Variants in SLC24A3 observed in about 807,000 individuals in gnomAD.
SLC24A3 encodes solute carrier family 24 member 3.
SLC24A3 carries 28 observed loss-of-function variants against 75.8 expected under a neutral mutation model. That is an observed-to-expected ratio of 0.37 (90% CI 0.27 to 0.51). The LOEUF (loss-of-function observed/expected upper bound fraction) is 0.51, where lower values mean the gene tolerates loss of function less well. Ranked by LOEUF, SLC24A3 falls within the 20% of genes least tolerant of loss-of-function variation. The pLI, the probability that SLC24A3 is intolerant of heterozygous loss-of-function variation, is 0.94. For missense variants in SLC24A3, 663 were observed against 847.8 expected (o/e 0.78, Z 2.71); for synonymous variants, 372 against 334.1 (o/e 1.11, Z -1.24).
At chr20:19,517,496 A>G (rs1038450371) in intron 3 of SLC24A3, among the ~76,000 whole-genome samples, 1 of 152,186 alleles carries the variant, frequency 6.6e-6, no homozygotes, top group African/African-American at 2.4e-5. Flanking sequence ...CCAGGCTGGC[A>G]TAAAGGCAAC....
chr20:19,438,970 C>T (rs1987254756), intron 2 of SLC24A3, among the ~76,000 whole-genome samples: 1 of 152,236 alleles, frequency 6.6e-6, no homozygotes, highest in African/African-American at 2.4e-5. Context: ...CAGAGTCAAG[C>T]GCATGGTGAG....
chr20:19,513,299 C>T (rs1385177992), intron 2 of SLC24A3, among the ~76,000 whole-genome samples: 1 of 152,196 alleles, frequency 6.6e-6, no homozygotes, highest in African/African-American at 2.4e-5. Flanking sequence ...GTGTGCAGCC[C>T]TTCTCCCACT....
chr20:19,392,048 T>A (rs1306003842), intron 2 of SLC24A3, among the ~76,000 whole-genome samples: 1 of 152,226 alleles, frequency 6.6e-6, no homozygotes, highest in Non-Finnish European at 1.5e-5. Flanking sequence ...GATAGAGTCC[T>A]GCTGTTTGCC....
At chr20:19,435,920 C>A (rs1292462382) in intron 2 of SLC24A3, among the ~76,000 whole-genome samples, 2 of 152,150 alleles carry the variant, frequency 1.3e-5, no homozygotes, top group Admixed American at 1.3e-4. Flanking sequence ...ATTTTCTTGT[C>A]TCTTGGGTCT....
intron 1 of SLC24A3, among the ~76,000 whole-genome samples, chr20:19,248,026 T>G (rs1231132966): frequency 1.3e-5 from 2 of 152,208 alleles, no homozygotes; most frequent in East Asian, 3.8e-4. Flanking sequence ...AAAGACAACT[T>G]GCTAAATGGT....
chr20:19,617,571 A>C (rs1279104685), intron 6 of SLC24A3, among the ~76,000 whole-genome samples: 3 of 152,206 alleles, frequency 2.0e-5, no homozygotes, highest in African/African-American at 7.2e-5. Flanking sequence ...GTTTCAGGGA[A>C]GATCTGGAGA....
intron 8 of SLC24A3, among the ~76,000 whole-genome samples, chr20:19,672,602 G>C (rs988282386): frequency 1.1e-4 from 16 of 152,134 alleles, no homozygotes; most frequent in African/African-American, 3.4e-4. Context: ...CTCCCAAAAT[G>C]CTGGGATTAC....
intron 8 of SLC24A3, 80 bp from the exon 9 acceptor site, chr20:19,673,521 C>T: frequency 7.8e-7 from 1 of 1,276,570 alleles, no homozygotes; most frequent in African/African-American, 1.5e-5. Flanking sequence ...CCGTTTGCAT[C>T]AAATATGTCT....
At chr20:19,292,661 G>A (rs1248619254) in intron 2 of SLC24A3, among the ~76,000 whole-genome samples, 1 of 152,134 alleles carries the variant, frequency 6.6e-6, no homozygotes, top group Non-Finnish European at 1.5e-5. Context: ...GTGGTCGCAG[G>A]GATGAGGTTG....
chr20:19,446,126 G>A (rs1385023662), intron 2 of SLC24A3, among the ~76,000 whole-genome samples: 1 of 152,168 alleles, frequency 6.6e-6, no homozygotes, highest in Non-Finnish European at 1.5e-5. Context: ...CTCATAGAGT[G>A]TGGCTTCAGT....
intron 6 of SLC24A3, among the ~76,000 whole-genome samples, chr20:19,603,301 G>T (rs764641604): frequency 6.6e-6 from 1 of 152,164 alleles, no homozygotes; most frequent in Non-Finnish European, 1.5e-5. Context: ...CAGCTGTGGG[G>T]TCAGACAGCT....
At chr20:19,573,229 T>A (rs2031081467) in intron 3 of SLC24A3, among the ~76,000 whole-genome samples, 1 of 152,218 alleles carries the variant, frequency 6.6e-6, no homozygotes, top group Admixed American at 6.5e-5. Context: ...TCAGAAGCCC[T>A]TATGTGGATC....
chr20:19,651,290 T>G (rs144844350), intron 6 of SLC24A3, among the ~76,000 whole-genome samples: 6 of 150,732 alleles, frequency 4.0e-5, no homozygotes, highest in South Asian at 2.1e-4. Context: ...ATTGTTTTCC[T>G]TTCTAATTTT....
chr20:19,688,403 C>G (rs948626831), intron 12 of SLC24A3, among the ~76,000 whole-genome samples: 3 of 152,252 alleles, frequency 2.0e-5, no homozygotes, highest in Non-Finnish European at 2.9e-5. Flanking sequence ...CTCTTCCCCT[C>G]CACCAGCTGC....
intron 2 of SLC24A3, among the ~76,000 whole-genome samples, chr20:19,477,512 A>G (rs1426891204): frequency 2.6e-5 from 4 of 152,216 alleles, no homozygotes; most frequent in African/African-American, 9.6e-5. Flanking sequence ...GAGCTACAAA[A>G]TTTCTCTTCC....
intron 2 of SLC24A3, among the ~76,000 whole-genome samples, chr20:19,359,377 C>T (rs1985746365): frequency 1.3e-5 from 2 of 152,140 alleles, no homozygotes; most frequent in Middle Eastern, 3.2e-3. Flanking sequence ...GCCTGTGTAG[C>T]TTTTCAGTAC....
intron 1 of SLC24A3, among the ~76,000 whole-genome samples, chr20:19,256,098 CTAATAATAATAA>C (rs3058400): frequency 2.0e-5 from 3 of 149,344 alleles, no homozygotes; most frequent in Admixed American, 2.0e-4. Context: ...GACCCTGTCT[CTAATAATAATAA>C]TAATAATAAT....
chr20:19,213,626 G>T (rs1234327699), intron 1 of SLC24A3: 2 of 152,366 alleles, frequency 1.3e-5, no homozygotes, highest in Non-Finnish European at 2.9e-5. Flanking sequence ...TTGCAGAGCT[G>T]CTGCTGTGGA....
intron 6 of SLC24A3, among the ~76,000 whole-genome samples, chr20:19,641,884 T>C (rs758135229): frequency 2.6e-5 from 4 of 152,158 alleles, no homozygotes; most frequent in African/African-American, 4.8e-5. Context: ...CGGGAATCTG[T>C]ACTTAACAAA....
Sources: gnomAD v4.1 joint callset for allele counts (sites outside exome capture counted in the v4.1 genomes callset) on GRCh38, gnomAD v4.1.1 for gene constraint, MANE v1.5 for transcripts, NCBI Gene and HGNC (gene_info 2026-07-23, HGNC 2026-07-21) for gene names.